COL6A5: variants seen among roughly 807,000 people sequenced by gnomAD.
The protein encoded by COL6A5 is collagen type VI alpha 5 chain.
COL6A5 carries 48 observed loss-of-function variants against 65.6 expected under a neutral mutation model. The ratio of observed to expected loss-of-function variants is 0.73; its 90% CI spans 0.58 to 0.93. The LOEUF is 0.93. COL6A5 is among the 40% of genes least tolerant of loss of function. The pLI is 0.00. For missense variants in COL6A5, 914 were observed against 928.3 expected (o/e 0.98, Z 0.20); for synonymous variants, 291 against 322.8 (o/e 0.90, Z 1.05).
intron 18 of COL6A5, 86 bp downstream of exon 18, chr3:130,409,474 C>G: frequency 3.5e-5 from 40 of 1,153,106 alleles, no homozygotes; most frequent in Non-Finnish European, 4.6e-5. Flanking sequence ...CCTGCCTACC[C>G]TGTAGGCAAA....
intron 7 of COL6A5, among the ~76,000 whole-genome samples, chr3:130,394,573 G>A (rs866951681): frequency 1.3e-5 from 2 of 152,104 alleles, no homozygotes; most frequent in African/African-American, 2.4e-5. Context: ...TTGAAGGGAC[G>A]TCTACCCTTT....
At chr3:130,450,547 A>C (rs1171865077) in intron 4 of COL6A5, among the ~76,000 whole-genome samples, 1 of 152,130 alleles carries the variant, frequency 6.6e-6, no homozygotes, top group Admixed American at 6.5e-5. Flanking sequence ...CACAAGCTTT[A>C]ATATATGCAG....
At chr3:130,395,610 G>C in intron 8 of COL6A5, 145 bp downstream of exon 8, 3 of 730,278 alleles carry the variant, frequency 4.1e-6, no homozygotes, top group Non-Finnish European at 6.7e-6. Flanking sequence ...AATGAGAAGA[G>C]ACTTCTCTGC....
intron 1 of COL6A5, among the ~76,000 whole-genome samples, chr3:130,346,698 T>C (rs1346350270): frequency 6.6e-6 from 1 of 152,216 alleles, no homozygotes; most frequent in African/African-American, 2.4e-5. Flanking sequence ...GTGTTATTTC[T>C]CTTACCAGGA....
intron 1 of COL6A5, among the ~76,000 whole-genome samples, chr3:130,435,035 A>G (rs1244643972): frequency 1.3e-5 from 2 of 152,096 alleles, no homozygotes; most frequent in African/African-American, 2.4e-5. Context: ...CCTGAATGGT[A>G]TTGCATAGGT....
chr3:130,467,522 A>G (rs1577538208), intron 5 of COL6A5, among the ~76,000 whole-genome samples: 1 of 152,216 alleles, frequency 6.6e-6, no homozygotes, highest in East Asian at 1.9e-4. Flanking sequence ...ACTACAGAAC[A>G]TCATTCACAA....
chr3:130,407,714 C>A (rs1406291352), intron 17 of COL6A5, among the ~76,000 whole-genome samples: 1 of 152,072 alleles, frequency 6.6e-6, no homozygotes, highest in Non-Finnish European at 1.5e-5. Flanking sequence ...GACCTGAAAT[C>A]TCCAGATATA....
At chr3:130,440,232 T>G (rs1709141875) in exon 3 of COL6A5, 1 of 1,613,278 alleles carries the variant, frequency 6.2e-7, no homozygotes, top group Admixed American at 1.7e-5. Flanking sequence ...ATGGATGTAG[T>G]CTTCCTCATA....
chr3:130,474,319 G>T (rs1710034597), intron 7 of COL6A5, among the ~76,000 whole-genome samples: 1 of 152,048 alleles, frequency 6.6e-6, no homozygotes, highest in Admixed American at 6.6e-5. Flanking sequence ...TGAGATGATT[G>T]CCTGCTAAAA....
intron 4 of COL6A5, among the ~76,000 whole-genome samples, chr3:130,450,489 T>C (rs1709407633): frequency 1.3e-5 from 2 of 152,142 alleles, no homozygotes; most frequent in Admixed American, 6.5e-5. Flanking sequence ...GTGTCCTTCA[T>C]GGCCCGTGCC....
In COL6A5 at chr3:130,398,122, GTTGT is replaced by G; in HGVS notation, c.3991+13_3991+16del. The G allele has an allele frequency of 8.6e-7, 1 of 1,161,762 alleles. No homozygotes were observed. Among genetic ancestry groups the G allele is most frequent in the South Asian group, 1.5e-5 (1 of 66,118 alleles). 72.0% of individuals were successfully genotyped at this position (1,161,762 alleles called of 1,614,324 possible). A position where few individuals can be genotyped will look rare whatever the true frequency, so the allele number is the denominator to read the frequency against. ...GGCTCAGAGAAGCAGGTATTGAGTT[GTTGT>G]TGTTTTTTTTTTTTTTTTTTTTGAG... is the stretch of plus-strand genomic sequence containing the variant. On this transcript the variant is annotated intron_variant and NMD_transcript_variant, in intron 10 of 41. Transcript: ENST00000312481.
chr3:130,364,543 G>C (rs187956269), intron 1 of COL6A5, among the ~76,000 whole-genome samples: 1 of 152,302 alleles, frequency 6.6e-6, no homozygotes, highest in East Asian at 1.9e-4. Context: ...GAGTGTTTGG[G>C]GCAGATGGAA....
rs796707477 is a variant in COL6A5, at chr3:130,439,728, CAGTTTTCT to C, written c.581+120_581+127del. On this transcript the variant is annotated intron_variant, in intron 2 of 7. Coordinates refer to ENST00000512836, the Ensembl canonical transcript of COL6A5. ...TATTTTTAATCATAGGTTCTATTTT[CAGTTTTCT>C]AGTTTTTCAATACCATATGTCATGG... 15 of 763,894 alleles carry C rather than the reference CAGTTTTCT, an allele frequency of 2.0e-5. No homozygotes were observed. The African/African-American group carries it at 2.7e-4, about 14-fold the overall frequency. 47.3% of individuals were successfully genotyped at this position (763,894 alleles called of 1,614,324 possible).
exon 6 of COL6A5, chr3:130,388,629 G>A (rs1335281794): frequency 6.4e-7 from 1 of 1,550,834 alleles, no homozygotes. Context: ...ACAGTTCTTG[G>A]AGTATAGGAA....
chr3:130,417,781 C>G (rs896335767), intron 24 of COL6A5, among the ~76,000 whole-genome samples: 26 of 152,184 alleles, frequency 1.7e-4, no homozygotes, highest in African/African-American at 6.0e-4. Context: ...AGAAGAACCC[C>G]CTGATGAGTT....
intron 4 of COL6A5, among the ~76,000 whole-genome samples, chr3:130,447,456 A>T (rs985566595): frequency 6.6e-6 from 1 of 152,172 alleles, no homozygotes; most frequent in Admixed American, 6.5e-5. Flanking sequence ...ATCCAGCGGC[A>T]TTGACATGAG....
chr3:130,365,274 T>C (rs1935291104), intron 1 of COL6A5, among the ~76,000 whole-genome samples: 3 of 148,870 alleles, frequency 2.0e-5, no homozygotes, highest in Admixed American at 2.0e-4. Context: ...TTAAGATGTT[T>C]TGTTTTGTTT....
At chr3:130,391,259 A>T (rs1031859079) in exon 7 of COL6A5, 3 of 1,551,492 alleles carry the variant, frequency 1.9e-6, no homozygotes, top group Admixed American at 2.0e-5. Context: ...TCAAGATCAC[A>T]TGATTAACCT....
rs911069202 is a variant in COL6A5, at chr3:130,431,816, T to C, written c.356T>C (p.Val119Ala). Residue 119 changes from valine (V) to alanine (A), a missense_variant, in exon 1 of 8, where the codon GTT (valine) becomes GCT (alanine). Coordinates refer to ENST00000512836, the Ensembl canonical transcript of COL6A5. ...TATGCAGGAGCCAACGTGAGGAGAGTTGCTGTGTTTTTTAGCAATGGTCAA... is the reference window on the plus strand; with the variant it reads ...TATGCAGGAGCCAACGTGAGGAGAGCTGCTGTGTTTTTTAGCAATGGTCAA... The C allele has an allele frequency of 3.9e-6, 6 of 1,550,810 alleles. No homozygotes were observed. In the East Asian group the frequency reaches 9.8e-5, roughly 25 times the overall value.
Sources: allele counts gnomAD v4.1 joint callset (sites outside exome capture counted in the v4.1 genomes callset), GRCh38; gene constraint gnomAD v4.1.1; transcripts MANE v1.5; gene names NCBI Gene and HGNC (gene_info 2026-07-23, HGNC 2026-07-21).